CLEC4A: variants seen among roughly 807,000 people sequenced by gnomAD.
CLEC4A encodes the protein C-type lectin domain family 4 member A, also known as C-type (calcium dependent, carbohydrate-recognition domain) lectin, superfamily member 6.
A neutral mutation model predicts 32.7 loss-of-function variants in CLEC4A; 27 were observed. The ratio of observed to expected loss-of-function variants is 0.83; its 90% confidence interval spans 0.61 to 1.14. The LOEUF (loss-of-function observed/expected upper bound fraction) is 1.14. CLEC4A is among the 50% of genes most tolerant of loss of function. The pLI is 0.00. For synonymous variants in CLEC4A, 89 were observed against 93.7 expected, an observed-to-expected ratio of 0.95 and a Z score of 0.29; for missense variants, 253 against 274.6, an observed-to-expected ratio of 0.92 and a Z score of 0.55.
At chr12:8,133,298 G>A (rs1378496811) in intron 3 of CLEC4A, among the ~76,000 whole-genome samples, 3 of 152,026 alleles carry the variant, frequency 2.0e-5, no homozygotes, top group African/African-American at 4.8e-5. Context: ...TGATCCGCCC[G>A]CCTCAGCCTC....
intron 2 of CLEC4A, 135 bp from the exon 3 acceptor site, chr12:8,129,129 G>T: frequency 5.1e-6 from 3 of 583,302 alleles, no homozygotes; most frequent in African/African-American, 1.9e-5. Context: ...GTTTCAGTAT[G>T]GGAAATCTTT....
chr12:8,103,373 G>GTGTTTTTTTT, the CLEC4A span, among the ~76,000 whole-genome samples: 1 of 78,036 alleles, frequency 1.3e-5, no homozygotes, highest in Non-Finnish European at 2.4e-5. Context: ...GTTTCTTTCT[G>GTGTTTTTTTT]TTGTTTTTTT....
chr12:8,137,800 A>C (rs1948149814), intron 5 of CLEC4A, among the ~76,000 whole-genome samples: 1 of 152,216 alleles, frequency 6.6e-6, no homozygotes, highest in East Asian at 1.9e-4. Context: ...AAGTGGGACC[A>C]GGGTAAAATC....
the CLEC4A span, among the ~76,000 whole-genome samples, chr12:8,117,524 C>T: frequency 1.3e-5 from 2 of 151,966 alleles, no homozygotes; most frequent in Non-Finnish European, 2.9e-5. Flanking sequence ...CAGGTGTGAG[C>T]CACCGCACCC....
At chr12:8,134,060 T>C (rs1219142094) in intron 3 of CLEC4A, 44 of 1,591,950 alleles carry the variant, frequency 2.8e-5, no homozygotes, top group Admixed American at 3.5e-5. Context: ...CCCAAGCTGC[T>C]GGGCGATGTG....
rs1947887636 is a variant in CLEC4A at position 8,125,604 on chromosome 12, C to T, written c.126C>T (p.Phe42=). 3 of 1,613,322 alleles carry T rather than the reference C, an allele frequency of 1.9e-6. No homozygotes were observed. The highest frequency in any genetic ancestry group is 2.5e-6 in the Non-Finnish European group (3 of 1,179,412). The change falls in exon 2 of 6, where the codon TTC becomes TTT. Residue 42 remains phenylalanine, a synonymous_variant. Coordinates refer to ENST00000229332, the MANE Select transcript of CLEC4A (RefSeq NM_016184.4). ...RTAPHKSNTG[F]PKLLCASLLI... The stretch of plus-strand genomic sequence containing the variant: ...CCCCTCACAAAAGTAATACCGGATT[C>T]CCCAAGCTGCTTTGTGCCTCACTGT...
In CLEC4A at chr12:8,130,296, C is replaced by A. The variant is rs201702591; in HGVS notation, c.298+934C>A. Among the ~76,000 whole-genome samples, 7 of 152,136 alleles carry A rather than the reference C, an allele frequency of 4.6e-5. No individual in the cohort carries two copies. The East Asian group carries it at 1.3e-3, about 29-fold the overall frequency. ...TCTTTTTTTCACATATCAGTTAAAACCATGTGATGAAAATGTGATGATGAT... is the reference window on the plus strand; with the variant it reads ...TCTTTTTTTCACATATCAGTTAAAAACATGTGATGAAAATGTGATGATGAT... On this transcript the variant is annotated intron_variant, in intron 3 of 5. Transcript: ENST00000229332.
At chr12:8,133,745 C>A (rs1465597457) in intron 3 of CLEC4A, 3 of 1,586,870 alleles carry the variant, frequency 1.9e-6, no homozygotes, top group East Asian at 2.3e-5. Flanking sequence ...CTCCCCCTGT[C>A]CCCCATTCCT....
At chr12:8,116,729 A>G in the CLEC4A span, among the ~76,000 whole-genome samples, 2 of 152,180 alleles carry the variant, frequency 1.3e-5, no homozygotes, top group Admixed American at 1.3e-4. Context: ...CTTACTTCAC[A>G]GGTCAGGGAG....
At chr12:8,132,685 T>C (rs1295032906) in intron 3 of CLEC4A, among the ~76,000 whole-genome samples, 1 of 152,246 alleles carries the variant, frequency 6.6e-6, no homozygotes. Flanking sequence ...TTCTATGTTC[T>C]TGCTGATTTT....
intron 3 of CLEC4A, chr12:8,134,967 T>C: frequency 1.1e-6 from 1 of 926,408 alleles, no homozygotes. Context: ...ATCTTCTTGT[T>C]GAAGCGTTTT....
chr12:8,105,044 C>T, the CLEC4A span, among the ~76,000 whole-genome samples: 70 of 152,190 alleles, frequency 4.6e-4, no homozygotes, highest in African/African-American at 1.2e-3. Flanking sequence ...CATACGTATG[C>T]GGCATACATG....
chr12:8,109,196 C>A, the CLEC4A span, among the ~76,000 whole-genome samples: 8 of 152,088 alleles, frequency 5.3e-5, no homozygotes, highest in Non-Finnish European at 1.0e-4. Flanking sequence ...TGTAACTGAT[C>A]CAAAGTTTGT....
intron 5 of CLEC4A, among the ~76,000 whole-genome samples, chr12:8,137,690 A>C (rs752999977): frequency 6.6e-6 from 1 of 152,216 alleles, no homozygotes; most frequent in Non-Finnish European, 1.5e-5. Context: ...AAGTTAAATT[A>C]CTTGTCCAAT....
intron 3 of CLEC4A, chr12:8,134,621 C>T (rs1047828338): frequency 1.9e-6 from 3 of 1,610,484 alleles, no homozygotes; most frequent in Non-Finnish European, 2.5e-6. Context: ...CAGTCTGAGG[C>T]CCACAGTACG....
the CLEC4A span, among the ~76,000 whole-genome samples, chr12:8,116,492 A>G: frequency 2.0e-5 from 3 of 152,172 alleles, no homozygotes; most frequent in South Asian, 4.1e-4. Context: ...TCACCTCCTG[A>G]TTAAATGTAT....
chr12:8,135,047 C>CTT (rs1187858911), intron 3 of CLEC4A, among the ~76,000 whole-genome samples: 99 of 9,030 alleles, frequency 0.011, 21 homozygotes, highest in Middle Eastern at 0.25. Context: ...ATTTTATTAT[C>CTT]TTTTTTTTTT....
upstream of CLEC4A, among the ~76,000 whole-genome samples, chr12:8,122,956 AT>A (rs1947846602): frequency 6.6e-6 from 1 of 152,038 alleles, no homozygotes; most frequent in African/African-American, 2.4e-5. Context: ...CTATGGAGAG[AT>A]TCCACATGAA....
the CLEC4A span, among the ~76,000 whole-genome samples, chr12:8,117,990 T>G: frequency 2.0e-4 from 30 of 151,978 alleles, no homozygotes; most frequent in Admixed American, 2.0e-3. Context: ...CATCTGTGAT[T>G]GGTGCTTTTT....
Sources: allele counts gnomAD v4.1 joint callset (sites outside exome capture counted in the v4.1 genomes callset), GRCh38; gene constraint gnomAD v4.1.1; transcripts MANE v1.5; gene names NCBI Gene and HGNC (gene_info 2026-07-23, HGNC 2026-07-21).